The following KIRREL3 variants were observed in gnomAD, a reference collection of about 807,000 sequenced individuals.
The protein encoded by KIRREL3 is kirre like nephrin family adhesion molecule 3.
KIRREL3 carries 36 observed loss-of-function variants against 89.7 expected under a neutral mutation model. The ratio of observed to expected loss-of-function variants is 0.40; its 90% CI spans 0.31 to 0.53. The LOEUF is 0.53. KIRREL3 is among the 20% of genes least tolerant of loss of function. The probability of loss-of-function intolerance (pLI) is 0.49; values close to 1 mark genes in which losing one functional copy is unlikely to be tolerated. For synonymous variants in KIRREL3, 445 were observed against 441.4 expected (o/e 1.01, Z -0.10); for missense variants, 864 against 1,056.6 (o/e 0.82, Z 2.53).
chr11:126,922,054 C>T (rs1337885389), intron 1 of KIRREL3, among the ~76,000 whole-genome samples: 2 of 151,856 alleles, frequency 1.3e-5, no homozygotes, highest in Non-Finnish European at 2.9e-5. Context: ...TCCTATCTAT[C>T]TATCCATCCA....
At chr11:126,866,658 C>G (rs199880569) in intron 1 of KIRREL3, among the ~76,000 whole-genome samples, 1 of 151,736 alleles carries the variant, frequency 6.6e-6, no homozygotes, top group East Asian at 1.9e-4. Context: ...TGCCCCCCCA[C>G]ACACACTGAC....
intron 5 of KIRREL3, among the ~76,000 whole-genome samples, chr11:126,466,229 G>T (rs139970704): frequency 1.2e-3 from 190 of 152,358 alleles, no homozygotes; most frequent in Non-Finnish European, 2.4e-3. Flanking sequence ...TCTGGTTCAA[G>T]TTGTTTGTTC....
intron 1 of KIRREL3, among the ~76,000 whole-genome samples, chr11:126,787,404 A>G (rs960929105): frequency 5.3e-5 from 8 of 152,224 alleles, no homozygotes; most frequent in Non-Finnish European, 1.2e-4. Context: ...TAAAAACAAT[A>G]TAGTCCACCC....
intron 1 of KIRREL3, among the ~76,000 whole-genome samples, chr11:126,775,950 G>T (rs1268454616): frequency 1.3e-5 from 2 of 152,166 alleles, no homozygotes; most frequent in African/African-American, 4.8e-5. Context: ...TGGCTTGGGG[G>T]AGGTACAATG....
In KIRREL3 at chr11:126,813,698, T is replaced by C. The variant is rs1951463413; in HGVS notation, c.55+186757A>G. ...ATGTGGTGAATTTCAAGCAAAGAGG[T>C]CTCAAATATGAATAAGTGAATAGTG... On this transcript the variant is annotated intron_variant, in intron 1 of 16. Transcript: ENST00000525144. Among the ~76,000 whole-genome samples, 9 of 151,580 alleles carry C rather than the reference T, an allele frequency of 5.9e-5. 1 individual carries two copies. In the South Asian group the frequency reaches 1.7e-3, roughly 28 times the overall value.
At position 126,896,738 on chromosome 11, in the gene KIRREL3, G is replaced by A. The variant is rs1387192205; in HGVS notation, c.55+103717C>T. 6.6e-6 allele frequency among the ~76,000 whole-genome samples: 1 copy of A among 152,100 alleles called. No individual in the cohort carries two copies. Among genetic ancestry groups the A allele is most frequent in the African/African-American group, 2.4e-5 (1 of 41,424 alleles). On this transcript the variant is annotated intron_variant, in intron 1 of 16. Transcript: ENST00000525144. The surrounding 1 kb of genome is among the most constrained non-coding windows in gnomAD (Gnocchi z 4.1). ...TTCCATGGCCACAGCAAGCTCTCTG[G>A]CAGCCTCTGACCTGTGGAGATTCAT...
intron 1 of KIRREL3, among the ~76,000 whole-genome samples, chr11:126,859,999 C>G (rs897888084): frequency 3.3e-5 from 5 of 152,042 alleles, no homozygotes; most frequent in African/African-American, 9.7e-5. Flanking sequence ...TCTGATTTAC[C>G]TTTAGAGCTG....
rs959987005 is a variant in KIRREL3 at position 126,996,786 on chromosome 11, G to T, written c.55+3669C>A. Among the ~76,000 whole-genome samples the T allele has an allele frequency of 6.6e-6, 1 of 152,164 alleles. No individual in the cohort carries two copies. The highest frequency in any genetic ancestry group is 1.5e-5 in the Non-Finnish European group (1 of 68,032). ...CTTAGCTCAGGGATGCCATTAACAG[G>T]TAAATGCAAGTTTTCACTTTTACCC... On this transcript the variant is annotated intron_variant, in intron 1 of 16. Transcript: ENST00000525144. The surrounding 1 kb of genome is among the most constrained non-coding windows in gnomAD (Gnocchi z 4.7).
chr11:126,923,208 T>TTC (rs1565423508), intron 1 of KIRREL3, among the ~76,000 whole-genome samples: 153 of 12,736 alleles, frequency 0.012, 28 homozygotes, highest in Non-Finnish European at 0.013. Flanking sequence ...CTTCTTCTTC[T>TTC]TCTTCTTCTT....
At position 126,817,196 on chromosome 11, in the gene KIRREL3, C is replaced by T. The variant is rs1339815315; in HGVS notation, c.55+183259G>A. On this transcript the variant is annotated intron_variant, in intron 1 of 16. Transcript: ENST00000525144. The surrounding 1 kb of genome is among the most constrained non-coding windows in gnomAD (Gnocchi z 5.7). Reference sequence around the variant, plus strand: ...AGTGTATAAAACAGCTCATCTAAGACCAGAGGAGGCAGAGGGGATAAACAG... The same window carrying T: ...AGTGTATAAAACAGCTCATCTAAGATCAGAGGAGGCAGAGGGGATAAACAG... Among the ~76,000 whole-genome samples the T allele has an allele frequency of 6.6e-6, 1 of 152,084 alleles. No individual in the cohort carries two copies. The highest frequency in any genetic ancestry group is 1.5e-5 in the Non-Finnish European group (1 of 68,022).
chr11:126,949,320 G>C (rs1228650558), intron 1 of KIRREL3, among the ~76,000 whole-genome samples: 1 of 152,264 alleles, frequency 6.6e-6, no homozygotes, highest in African/African-American at 2.4e-5. Context: ...CTTCTGTCAG[G>C]GGGAGGTAGA....
chr11:126,802,075 T>A lies in KIRREL3; in HGVS notation c.55+198380A>T, dbSNP rs1407530281. ...ATAGGCAAATGATGCTGCCAAACAGTCATTTGTGGCTGTGAGGAAGAATGG... is the reference window on the plus strand; with the variant it reads ...ATAGGCAAATGATGCTGCCAAACAGACATTTGTGGCTGTGAGGAAGAATGG... On this transcript the variant is annotated intron_variant, in intron 1 of 16. Transcript: ENST00000525144. This position sits in a 1 kb window ranked among gnomAD's most constrained non-coding sequence, Gnocchi z 5.2. Among the ~76,000 whole-genome samples the A allele has an allele frequency of 6.6e-6, 1 of 152,146 alleles. No individual in the cohort carries two copies. Among genetic ancestry groups the A allele is most frequent in the Non-Finnish European group, 1.5e-5 (1 of 68,038 alleles).
rs140638282 is a variant in KIRREL3 at position 126,924,929 on chromosome 11, ATG to A, written c.55+75524_55+75525del. Among the ~76,000 whole-genome samples the A allele has an allele frequency of 4.1e-5, 6 of 147,302 alleles. No individual in the cohort carries two copies. The highest frequency in any genetic ancestry group is 2.2e-4 in the South Asian group (1 of 4,550). The stretch of plus-strand genomic sequence containing the variant: ...TGTATGTGTGTGTGTGTACATGCTT[ATG>A]TGTGTGTGTGTGTGTTGCAGTGGAG... On this transcript the variant is annotated intron_variant, in intron 1 of 16. Coordinates refer to ENST00000525144, the MANE Select transcript of KIRREL3 (RefSeq NM_032531.4). The surrounding 1 kb of genome is among the most constrained non-coding windows in gnomAD (Gnocchi z 4.7).
Position 127,000,342 on chromosome 11 carries a change from G to C in KIRREL3, c.55+113C>G. 1.3e-6 allele frequency: 1 copy of C among 777,690 alleles called. No homozygotes were observed. The highest frequency in any genetic ancestry group is 1.9e-5 in the South Asian group (1 of 53,670). 48.2% of individuals were successfully genotyped at this position (777,690 alleles called of 1,614,324 possible). On this transcript the variant is annotated intron_variant, in intron 1 of 16. Transcript: ENST00000525144. The surrounding 1 kb of genome is among the most constrained non-coding windows in gnomAD (Gnocchi z 7.1). ...AGAGCATCTCAGCCCGGCACCGAGA[G>C]ACGCATCCATCAGTCCGAGTTCCCG... is the stretch of plus-strand genomic sequence containing the variant.
Position 126,761,081 on chromosome 11 carries a change from T to G in KIRREL3, c.56-198169A>C, listed in dbSNP as rs1949653622. On this transcript the variant is annotated intron_variant, in intron 1 of 16. Transcript: ENST00000525144. This position sits in a 1 kb window ranked among gnomAD's most constrained non-coding sequence, Gnocchi z 4.4. ...TTACTGCTGGACCATGGAGGATATA[T>G]GGAATGGGTGTGGAGGTGGCTCACT... Among the ~76,000 whole-genome samples, 2 of 152,164 alleles carry G rather than the reference T, an allele frequency of 1.3e-5. No homozygotes were observed. The highest frequency in any genetic ancestry group is 4.8e-5 in the African/African-American group (2 of 41,446).
intron 1 of KIRREL3, among the ~76,000 whole-genome samples, chr11:126,828,240 C>T (rs1294918704): frequency 1.3e-5 from 2 of 152,132 alleles, no homozygotes; most frequent in Non-Finnish European, 2.9e-5. Context: ...ATCCCAACGC[C>T]CACCCCCTAG....
chr11:126,787,638 T>G (rs1035259092), intron 1 of KIRREL3, among the ~76,000 whole-genome samples: 1 of 152,200 alleles, frequency 6.6e-6, no homozygotes, highest in Non-Finnish European at 1.5e-5. Context: ...ATGGAAGGGA[T>G]GGTACAGCTT....
chr11:126,712,532 GA>G (rs1226922779), intron 1 of KIRREL3, among the ~76,000 whole-genome samples: 2 of 152,186 alleles, frequency 1.3e-5, no homozygotes, highest in Non-Finnish European at 2.9e-5. Flanking sequence ...GATGTGGGAG[GA>G]GAAGAGAAAA....
chr11:126,741,027 GA>G (rs1246209674), intron 1 of KIRREL3, among the ~76,000 whole-genome samples: 1 of 152,188 alleles, frequency 6.6e-6, no homozygotes, highest in Non-Finnish European at 1.5e-5. Flanking sequence ...CATTCCTGCA[GA>G]CCCGGAATGG....
Sources: gnomAD v4.1 joint callset for allele counts (sites outside exome capture counted in the v4.1 genomes callset) on GRCh38, gnomAD v4.1.1 for gene constraint, Gnocchi (gnomAD v3.1) non-coding constraint, MANE v1.5 for transcripts, NCBI Gene and HGNC (gene_info 2026-07-23, HGNC 2026-07-21) for gene names.